ITSN1: variants seen among roughly 807,000 people sequenced by gnomAD.
ITSN1 encodes the protein intersectin 1, also known as intersectin-1.
A neutral mutation model predicts 239.8 loss-of-function variants in ITSN1; 58 were observed. That is an observed-to-expected ratio of 0.24 (90% CI 0.20 to 0.30). ITSN1 has a LOEUF of 0.30. ITSN1 is among the 10% of genes least tolerant of loss of function. ITSN1 has a pLI of 1.00. For missense variants in ITSN1, 1,558 were observed against 2,103.3 expected (o/e 0.74, Z 5.07); for synonymous variants, 780 against 770.8 (o/e 1.01, Z -0.20).
intron 2 of ITSN1, among the ~76,000 whole-genome samples, chr21:33,719,130 T>C (rs965419204): frequency 1.4e-4 from 21 of 152,160 alleles, no homozygotes; most frequent in Non-Finnish European, 1.6e-4. Flanking sequence ...TCAGTACCAT[T>C]ATCACATCTA....
intron 29 of ITSN1, chr21:33,837,141 G>A (rs1321294841): frequency 1.6e-5 from 22 of 1,419,146 alleles, no homozygotes; most frequent in Non-Finnish European, 2.0e-5. Context: ...AGAACTCACT[G>A]CAGAGCAGTT....
intron 29 of ITSN1, among the ~76,000 whole-genome samples, chr21:33,855,887 C>T (rs575657379): frequency 1.6e-4 from 25 of 152,360 alleles, no homozygotes; most frequent in Admixed American, 3.9e-4. Flanking sequence ...AGGCACCCTG[C>T]ATCTGCCTGG....
At chr21:33,745,536 G>C (rs2067128761) in intron 5 of ITSN1, among the ~76,000 whole-genome samples, 1 of 152,220 alleles carries the variant, frequency 6.6e-6, no homozygotes. Context: ...CTGAGCTTCA[G>C]ATATGAAGCA....
chr21:33,791,654 C>T (rs1391643909), intron 16 of ITSN1, among the ~76,000 whole-genome samples: 3 of 152,030 alleles, frequency 2.0e-5, no homozygotes, highest in Non-Finnish European at 4.4e-5. Flanking sequence ...AAATCCATAT[C>T]CAGTTACAAG....
chr21:33,826,087 G>A (rs1483276476), intron 25 of ITSN1, among the ~76,000 whole-genome samples: 1 of 152,186 alleles, frequency 6.6e-6, no homozygotes, highest in African/African-American at 2.4e-5. Context: ...TCTGTTGTTG[G>A]CTTACTTGGC....
chr21:33,845,026 TGA>T (rs1340624351), intron 29 of ITSN1, among the ~76,000 whole-genome samples: 1 of 152,046 alleles, frequency 6.6e-6, no homozygotes, highest in Non-Finnish European at 1.5e-5. Context: ...CGCTGCCCAC[TGA>T]GAGTCATGGC....
At chr21:33,650,507 CACATAT>C in intron 1 of ITSN1, among the ~76,000 whole-genome samples, 1 of 152,184 alleles carries the variant, frequency 6.6e-6, no homozygotes, top group African/African-American at 2.4e-5. Flanking sequence ...GTTGTGTAAA[CACATAT>C]ATCATTCCAG....
chr21:33,825,619 G>T (rs1272416183), intron 25 of ITSN1, among the ~76,000 whole-genome samples: 1 of 152,156 alleles, frequency 6.6e-6, no homozygotes, highest in Non-Finnish European at 1.5e-5. Context: ...GAAACTACTT[G>T]AACTCTAGGG....
At chr21:33,729,378 T>G (rs1204033532) in intron 4 of ITSN1, among the ~76,000 whole-genome samples, 1 of 151,728 alleles carries the variant, frequency 6.6e-6, no homozygotes, top group Non-Finnish European at 1.5e-5. Context: ...GAGCTGAGGA[T>G]TCAAGCCTGC....
chr21:33,797,273 A>G lies in ITSN1; in HGVS notation c.1953-106A>G. ...CCATCTGAACAACAATGTTCCCTTG[A>G]TGTTCCCATCCCATTTACTGGATGG... On this transcript the variant is annotated intron_variant, in intron 17 of 39. Transcript: ENST00000381318. This position sits in a 1 kb window ranked among gnomAD's most constrained non-coding sequence, Gnocchi z 4.9. The G allele has an allele frequency of 1.2e-6, 1 of 842,588 alleles. No homozygotes were observed. Among genetic ancestry groups the G allele is most frequent in the Non-Finnish European group, 2.0e-6 (1 of 509,604 alleles). The allele number at this position is 842,588 out of a possible 1,614,324, so 52.2% of individuals were successfully genotyped here.
At chr21:33,771,340 G>A (rs1252860581) in intron 11 of ITSN1, among the ~76,000 whole-genome samples, 2 of 152,176 alleles carry the variant, frequency 1.3e-5, no homozygotes, top group African/African-American at 4.8e-5. Context: ...GTGGCAATGA[G>A]TGCTCCCCTG....
chr21:33,781,860 T>A, intron 15 of ITSN1, 134 bp from the exon 16 acceptor site: 1 of 841,850 alleles, frequency 1.2e-6, no homozygotes, highest in Non-Finnish European at 1.8e-6. Flanking sequence ...ATTACAGGTG[T>A]AGGCCACCGC....
At chr21:33,717,857 G>A (rs2065255316) in intron 1 of ITSN1, among the ~76,000 whole-genome samples, 1 of 152,196 alleles carries the variant, frequency 6.6e-6, no homozygotes, top group Non-Finnish European at 1.5e-5. Flanking sequence ...GTGAGCCACT[G>A]CGCCCGGCCC....
chr21:33,884,928 G>A (rs540475320), intron 36 of ITSN1, 113 bp from the exon 37 acceptor site: 3 of 740,754 alleles, frequency 4.0e-6, no homozygotes, highest in Non-Finnish European at 4.6e-6. Context: ...CCGAGCCTTT[G>A]TTGTTAAAAT....
At chr21:33,742,735 T>A (rs2066940657) in intron 5 of ITSN1, among the ~76,000 whole-genome samples, 2 of 152,006 alleles carry the variant, frequency 1.3e-5, no homozygotes, top group South Asian at 2.1e-4. Flanking sequence ...GGGACATGGA[T>A]ACAAAGGAAA....
Position 33,882,405 on chromosome 21 carries a change from G to C in ITSN1, c.4504G>C (p.Asp1502His), listed in dbSNP as rs773094165. Residue 1502 changes from aspartate (D) to histidine (H), a missense_variant, in exon 35 of 40, where the codon GAC (aspartate) becomes CAC (histidine). By Grantham distance (81) the Asp-to-His change is moderately conservative. Transcript: ENST00000381318. This position sits in a 1 kb window ranked among gnomAD's most constrained non-coding sequence, Gnocchi z 4.5. ...ITKPLGSSGT[D>H]KVFSPKSNLQ... is the part of the protein sequence containing the mutation. Reference sequence around the variant, plus strand: ...GAAGCCTTTGGGGTCTTCTGGCACCGACAAAGTCTTCAGCCCCAAATCAAA... The same window carrying C: ...GAAGCCTTTGGGGTCTTCTGGCACCCACAAAGTCTTCAGCCCCAAATCAAA... The C allele has an allele frequency of 1.2e-6, 2 of 1,614,062 alleles. No individual in the cohort carries two copies. Among genetic ancestry groups the C allele is most frequent in the Non-Finnish European group, 1.7e-6 (2 of 1,180,026 alleles).
intron 1 of ITSN1, among the ~76,000 whole-genome samples, chr21:33,697,197 C>T (rs1408564636): frequency 6.7e-6 from 1 of 150,280 alleles, no homozygotes; most frequent in Non-Finnish European, 1.5e-5. Context: ...ATTCTCCTGC[C>T]TCAGCCTCCC....
Position 33,858,731 on chromosome 21 carries a change from G to C in ITSN1, c.3829G>C (p.Glu1277Gln), listed in dbSNP as rs1979861530. The change falls in exon 31 of 40, where the codon GAG becomes CAG. Residue 1277 changes from glutamate (E) to glutamine (Q), a missense_variant. By Grantham distance (29) the Glu-to-Gln change is conservative. This residue lies in a region of ITSN1 where 576 missense variants were observed against 893.3 expected (regional missense o/e 0.64). Coordinates refer to ENST00000381318, the MANE Select transcript of ITSN1 (RefSeq NM_003024.3). ...GGAGTCTGAGCTGCTGACAGAAAAA[G>C]AGGTTGCTATGATTTTTGTGAACTG... Reference protein sequence around the residue: ...LMESELLTEKEVAMIFVNWKE... With the variant: ...LMESELLTEKQVAMIFVNWKE... 6.2e-7 allele frequency: 1 copy of C among 1,613,928 alleles called. No homozygotes were observed. The highest frequency in any genetic ancestry group is 1.7e-5 in the Admixed American group (1 of 59,994).
At chr21:33,698,407 A>G (rs1428745308) in intron 1 of ITSN1, among the ~76,000 whole-genome samples, 1 of 152,220 alleles carries the variant, frequency 6.6e-6, no homozygotes, top group East Asian at 1.9e-4. Flanking sequence ...TTAGAGGACA[A>G]CTTGAGTGAT....
Sources: allele counts gnomAD v4.1 joint callset (sites outside exome capture counted in the v4.1 genomes callset), GRCh38; gene constraint gnomAD v4.1.1; regional missense constraint gnomAD v4.1.1; non-coding constraint Gnocchi (gnomAD v3.1); transcripts MANE v1.5; gene names NCBI Gene and HGNC (gene_info 2026-07-23, HGNC 2026-07-21).